Variants in DNAI1 observed in about 807,000 individuals in gnomAD.
DNAI1 encodes the protein dynein axonemal intermediate chain 1, also known as dynein, axonemal, intermediate polypeptide 1.
A neutral mutation model predicts 92.0 loss-of-function variants in DNAI1; 67 were observed. The ratio of observed to expected loss-of-function variants is 0.73; its 90% confidence interval spans 0.60 to 0.89. DNAI1 has a LOEUF of 0.89. Among genes scored for constraint, DNAI1 ranks in the 40% least tolerant of loss-of-function variants. The probability of loss-of-function intolerance (pLI) is 0.00; values close to 1 mark genes in which losing one functional copy is unlikely to be tolerated. For missense variants in DNAI1, 839 were observed against 866.6 expected, an observed-to-expected ratio of 0.97 and a Z score of 0.40; for synonymous variants, 323 against 319.6, an observed-to-expected ratio of 1.01 and a Z score of -0.11.
chr9:34,469,127 T>G (rs1824092695), intron 1 of DNAI1, among the ~76,000 whole-genome samples: 1 of 151,976 alleles, frequency 6.6e-6, no homozygotes, highest in African/African-American at 2.4e-5. Flanking sequence ...GTCAAACTAC[T>G]GAAAACCAAA....
At chr9:34,459,533 C>A (rs115272852) in intron 1 of DNAI1, among the ~76,000 whole-genome samples, 3,246 of 151,792 alleles carry the variant, frequency 0.021, 91 homozygotes, top group East Asian at 0.12. Flanking sequence ...GTAACCTCTG[C>A]CTCCTGGGTG....
chr9:34,509,169 G>T (rs1288727472), intron 13 of DNAI1, among the ~76,000 whole-genome samples: 1 of 152,156 alleles, frequency 6.6e-6, no homozygotes, highest in Non-Finnish European at 1.5e-5. Context: ...GTCCTGGGTG[G>T]GGACCAGGGG....
At chr9:34,466,335 T>A (rs1012427739) in intron 1 of DNAI1, among the ~76,000 whole-genome samples, 50 of 152,256 alleles carry the variant, frequency 3.3e-4, no homozygotes, top group Non-Finnish European at 1.0e-4. Flanking sequence ...ATTTGCTCAT[T>A]TACTTATTTT....
chr9:34,488,237 T>A (rs1270601433), intron 4 of DNAI1: 1 of 185,536 alleles, frequency 5.4e-6, no homozygotes, highest in Admixed American at 6.3e-5. Flanking sequence ...TTAGAGTGGT[T>A]AAGCCCAAAG....
intron 1 of DNAI1, among the ~76,000 whole-genome samples, chr9:34,483,028 G>A (rs1432246852): frequency 6.6e-6 from 1 of 152,202 alleles, no homozygotes; most frequent in African/African-American, 2.4e-5. Context: ...CCCATTGCCC[G>A]GGGCCAGCAG....
chr9:34,479,236 G>T (rs1824294462), intron 1 of DNAI1, among the ~76,000 whole-genome samples: 1 of 152,156 alleles, frequency 6.6e-6, no homozygotes, highest in South Asian at 2.1e-4. Flanking sequence ...CCAGATGATA[G>T]AATTTTGAGG....
At chr9:34,511,779 C>T (rs1825069215) in intron 13 of DNAI1, among the ~76,000 whole-genome samples, 1 of 152,156 alleles carries the variant, frequency 6.6e-6, no homozygotes, top group Non-Finnish European at 1.5e-5. Context: ...AAGCCGTAGC[C>T]ACTGCCTTCT....
rs80097591 is a variant in DNAI1 at position 34,512,032 on chromosome 9, G to C, written c.1312-77G>C. ...CTTCTGAGCCTCAGATGGGTGCTTGGGGGAGCCCTGCTCTGCCCACAGCCC... is the reference window on the plus strand; with the variant it reads ...CTTCTGAGCCTCAGATGGGTGCTTGCGGGAGCCCTGCTCTGCCCACAGCCC... On this transcript the variant is annotated intron_variant, in intron 13 of 19. Transcript: ENST00000242317. The C allele has an allele frequency of 2.2e-3, 3,063 of 1,423,622 alleles. 47 individuals are homozygous for C. The African/African-American group carries it at 0.037, about 17-fold the overall frequency. The allele number at this position is 1,423,622 out of a possible 1,614,324, so 88.2% of individuals were successfully genotyped here.
At chr9:34,460,748 C>T (rs1823937348) in intron 1 of DNAI1, among the ~76,000 whole-genome samples, 1 of 152,162 alleles carries the variant, frequency 6.6e-6, no homozygotes, top group Admixed American at 6.5e-5. Flanking sequence ...CTGCAACCTC[C>T]ACCTCCCCGA....
At chr9:34,512,802 C>A (rs545497648) in intron 15 of DNAI1, among the ~76,000 whole-genome samples, 6 of 152,216 alleles carry the variant, frequency 3.9e-5, no homozygotes, top group Non-Finnish European at 8.8e-5. Context: ...TGTTTGCAGA[C>A]CCTGTCCCTG....
chr9:34,474,859 G>C (rs1052247870), intron 1 of DNAI1, among the ~76,000 whole-genome samples: 8 of 152,140 alleles, frequency 5.3e-5, no homozygotes, highest in African/African-American at 1.9e-4. Context: ...GAGCCACCGT[G>C]TCCGGCAAGG....
rs191840487 is a variant in DNAI1, at chr9:34,490,433, C to T, written c.566C>T (p.Thr189Ile). 1.4e-5 allele frequency: 23 copies of T among 1,614,224 alleles called. No homozygotes were observed. In the African/African-American group the frequency reaches 2.3e-4, roughly 16 times the overall value. ...TPKQPKERKL[T>I]NQFNFSERAS... ...AAGCAGCCCAAGGAGAGAAAGCTCA[C>T]TAACCAGTTCAACTTCAGTGAGAGG... The change falls in exon 7 of 20, where the codon ACT (threonine) becomes ATT (isoleucine). Residue 189 changes from threonine to isoleucine, a missense_variant. Thr to Ile is a moderately conservative substitution (Grantham distance 89). Coordinates refer to ENST00000242317, the MANE Select transcript of DNAI1 (RefSeq NM_012144.4).
chr9:34,500,887 C>T (rs761392145), intron 11 of DNAI1, 48 bp downstream of exon 11: 6 of 1,434,292 alleles, frequency 4.2e-6, no homozygotes, highest in Middle Eastern at 2.0e-4. Context: ...GTGCCCTCTA[C>T]ATCCCAAACC....
chr9:34,481,799 A>G (rs1824361735), intron 1 of DNAI1, among the ~76,000 whole-genome samples: 1 of 152,208 alleles, frequency 6.6e-6, no homozygotes, highest in South Asian at 2.1e-4. Flanking sequence ...AGATCTTCAC[A>G]GTGAGTGTTA....
In DNAI1 at chr9:34,490,396, T is replaced by C. The variant is rs1225651030; in HGVS notation, c.529T>C (p.Leu177=). 1.2e-6 allele frequency: 2 copies of C among 1,614,148 alleles called. No homozygotes were observed. The highest frequency in any genetic ancestry group is 1.1e-5 in the South Asian group (1 of 91,076). Reference sequence around the variant, plus strand: ...AGCTGAAAAAGTGACTGAAGAAGAATTGATGACTCCTAAGCAGCCCAAGGA... The same window carrying C: ...AGCTGAAAAAGTGACTGAAGAAGAACTGATGACTCCTAAGCAGCCCAAGGA... ...GAAEKVTEEE[L]MTPKQPKERK... is the part of the protein sequence containing the mutation. Residue 177 remains leucine, a synonymous_variant, in exon 7 of 20, where the codon TTG becomes CTG. Transcript: ENST00000242317.
intron 1 of DNAI1, among the ~76,000 whole-genome samples, chr9:34,473,095 T>C (rs1824171456): frequency 6.6e-6 from 1 of 152,078 alleles, no homozygotes; most frequent in Non-Finnish European, 1.5e-5. Flanking sequence ...TTCCTGTAAC[T>C]TGCCTTTTTA....
At chr9:34,498,548 T>C (rs927836579) in intron 10 of DNAI1, among the ~76,000 whole-genome samples, 9 of 152,234 alleles carry the variant, frequency 5.9e-5, no homozygotes, top group African/African-American at 1.2e-4. Context: ...AAGAGATTGA[T>C]TCAGAAATGC....
At chr9:34,504,648 A>T (rs1205607359) in intron 12 of DNAI1, among the ~76,000 whole-genome samples, 1 of 152,212 alleles carries the variant, frequency 6.6e-6, no homozygotes, top group East Asian at 1.9e-4. Flanking sequence ...CCTTGCTCTT[A>T]TTTCCACACT....
Position 34,485,587 on chromosome 9 carries a change from G to A in DNAI1, c.261+70G>A. 7.0e-6 allele frequency: 10 copies of A among 1,438,710 alleles called. No homozygotes were observed. In the South Asian group the frequency reaches 1.2e-4, roughly 17 times the overall value. The allele number at this position is 1,438,710 out of a possible 1,614,324, so 89.1% of individuals were successfully genotyped here. Reference sequence around the variant, plus strand: ...TGGAGTGACAGTGACTTGCTACATTGCAAAAGCCTCTCAGTAATTCTAGAG... The same window carrying A: ...TGGAGTGACAGTGACTTGCTACATTACAAAAGCCTCTCAGTAATTCTAGAG... On this transcript the variant is annotated intron_variant, in intron 4 of 19. Transcript: ENST00000242317.
Sources: allele counts gnomAD v4.1 joint callset (sites outside exome capture counted in the v4.1 genomes callset), GRCh38; gene constraint gnomAD v4.1.1; transcripts MANE v1.5; gene names NCBI Gene and HGNC (gene_info 2026-07-23, HGNC 2026-07-21).